Variants in OTOG observed in about 807,000 individuals in gnomAD.
The protein encoded by OTOG is otogelin.
In OTOG, 296 loss-of-function variants were observed where a neutral mutation model predicts 313.8. That is an observed-to-expected ratio of 0.94 (90% CI 0.86 to 1.04). OTOG has a LOEUF of 1.04. Among genes scored for constraint, OTOG ranks in the 50% least tolerant of loss-of-function variants. The pLI, the probability that OTOG is intolerant of heterozygous loss-of-function variation, is 0.00. For synonymous variants in OTOG, 1,533 were observed against 1,554.9 expected (o/e 0.99, Z 0.33); for missense variants, 3,948 against 3,840.1 (o/e 1.03, Z -0.74).
intron 23 of OTOG, among the ~76,000 whole-genome samples, chr11:17,580,022 A>C (rs1221797378): frequency 2.0e-5 from 3 of 152,222 alleles, no homozygotes; most frequent in Admixed American, 6.5e-5. Context: ...TCTTGCTGGG[A>C]TAGGGCTCCC....
In OTOG at chr11:17,611,144, G is replaced by A. The variant is rs967750865; in HGVS notation, c.5844G>A (p.Glu1948=). The change falls in exon 36 of 56, where the codon GAG becomes GAA. Residue 1948 remains glutamate, a synonymous_variant. Coordinates refer to ENST00000399397, the MANE Select transcript of OTOG (RefSeq NM_001292063.2). The part of the protein sequence containing the change: ...TSHPLTPLVA[E]PEGAQAGTAL... ...ACCCTCTCACGCCCTTGGTGGCTGA[G>A]CCCGAGGGAGCCCAGGCAGGCACAG... 6.4e-7 allele frequency: 1 copy of A among 1,550,486 alleles called. No homozygotes were observed. Among genetic ancestry groups the A allele is most frequent in the Non-Finnish European group, 8.7e-7 (1 of 1,146,932 alleles).
Position 17,596,883 on chromosome 11 carries a change from G to A in OTOG, c.3558G>A (p.Leu1186=). 4 of 1,551,148 alleles carry A rather than the reference G, an allele frequency of 2.6e-6. No homozygotes were observed. The highest frequency in any genetic ancestry group is 3.5e-6 in the Non-Finnish European group (4 of 1,147,112). ...TCACTTGGTTTTACTCAAACTGCCTGACAGACACATGTGGCTGCAGCCAGG... is the reference window on the plus strand; with the variant it reads ...TCACTTGGTTTTACTCAAACTGCCTAACAGACACATGTGGCTGCAGCCAGG... The part of the protein sequence containing the change: ...VDVTWFYSNC[L]TDTCGCSQGG... Residue 1186 remains leucine, a synonymous_variant, in exon 30 of 56, where the codon CTG becomes CTA. Coordinates refer to ENST00000399397, the MANE Select transcript of OTOG (RefSeq NM_001292063.2).
At chr11:17,591,416 G>A in intron 24 of OTOG, 34 bp from the exon 25 acceptor site, 2 of 1,549,682 alleles carry the variant, frequency 1.3e-6, no homozygotes, top group South Asian at 1.2e-5. Flanking sequence ...GGGTGGGTGT[G>A]CCCTGTGATC....
intron 21 of OTOG, 46 bp from the exon 22 acceptor site, chr11:17,576,822 T>C: frequency 6.5e-7 from 1 of 1,547,764 alleles, no homozygotes; most frequent in Non-Finnish European, 8.7e-7. Flanking sequence ...GTCTGGGTCC[T>C]GCAGTGACTG....
chr11:17,640,908 T>A lies in OTOG; in HGVS notation c.8012-5T>A. 6.5e-7 allele frequency: 1 copy of A among 1,548,546 alleles called. No individual in the cohort carries two copies. The highest frequency in any genetic ancestry group is 1.2e-5 in the South Asian group (1 of 84,008). On this transcript the variant is annotated splice_polypyrimidine_tract_variant and splice_region_variant and intron_variant, in intron 50 of 55. Coordinates refer to ENST00000399397, the MANE Select transcript of OTOG (RefSeq NM_001292063.2). Reference sequence around the variant, plus strand: ...TGACTGTTGCCGCCCTGCATGCCCATCCAGTGAAGGCCCCGGTGTGTCTGA... The same window carrying A: ...TGACTGTTGCCGCCCTGCATGCCCAACCAGTGAAGGCCCCGGTGTGTCTGA...
At chr11:17,571,324 C>G (rs1348983100) in intron 17 of OTOG, among the ~76,000 whole-genome samples, 1 of 152,066 alleles carries the variant, frequency 6.6e-6, no homozygotes, top group African/African-American at 2.4e-5. Flanking sequence ...GGAATATTGC[C>G]CTACATAATA....
chr11:17,577,594 G>A (rs1382861897), intron 22 of OTOG, among the ~76,000 whole-genome samples: 1 of 152,068 alleles, frequency 6.6e-6, no homozygotes, highest in Non-Finnish European at 1.5e-5. Context: ...TACCTCTCTG[G>A]GCCTTCATTT....
At chr11:17,550,236 C>G (rs1851905133) in intron 3 of OTOG, among the ~76,000 whole-genome samples, 1 of 152,182 alleles carries the variant, frequency 6.6e-6, no homozygotes, top group Admixed American at 6.5e-5. Flanking sequence ...ATCACTACTT[C>G]AAAATTTTGG....
chr11:17,561,672 A>C lies in OTOG; in HGVS notation c.1509A>C (p.Ser503=), dbSNP rs1046769584. 20 of 1,550,322 alleles carry C rather than the reference A, an allele frequency of 1.3e-5. No homozygotes were observed. In the African/African-American group the frequency reaches 2.7e-4, roughly 21 times the overall value. ...TTTTCTACCTCTCAGCTGAGTGCTCAGTGACTGGTGACATTCACTTCACAA... is the reference window on the plus strand; with the variant it reads ...TTTTCTACCTCTCAGCTGAGTGCTCCGTGACTGGTGACATTCACTTCACAA... ...CSTAVCPAEC[S]VTGDIHFTTF... The change falls in exon 15 of 56, where the codon TCA becomes TCC. Residue 503 remains serine, a synonymous_variant. Coordinates refer to ENST00000399397, the MANE Select transcript of OTOG (RefSeq NM_001292063.2).
At chr11:17,632,890 T>C (rs11608226) in intron 42 of OTOG, among the ~76,000 whole-genome samples, 5,586 of 152,304 alleles carry the variant, frequency 0.037, 117 homozygotes, top group South Asian at 0.088. Flanking sequence ...TCTTGGGTCG[T>C]GTTCTTCAAA....
At chr11:17,577,942 C>T (rs1041595559) in intron 22 of OTOG, among the ~76,000 whole-genome samples, 20 of 152,170 alleles carry the variant, frequency 1.3e-4, no homozygotes, top group Admixed American at 6.5e-5. Flanking sequence ...TGGCCCCCTG[C>T]CACACTGATT....
intron 39 of OTOG, among the ~76,000 whole-genome samples, chr11:17,624,190 G>A (rs1025836301): frequency 1.3e-5 from 2 of 152,006 alleles, no homozygotes; most frequent in African/African-American, 4.8e-5. Flanking sequence ...TGCTTTTGTT[G>A]CAATTTCTTT....
At position 17,557,175 on chromosome 11, in the gene OTOG, C is replaced by CA. The variant is rs1565090464; in HGVS notation, c.718dup (p.Ile240AsnfsTer40). On this transcript the variant is annotated frameshift_variant, in exon 8 of 56. Transcript: ENST00000399397. LOFTEE classifies it high-confidence loss of function. ...GTCTGCAGCAGCTTGCCGGCTATGT[C>CA]ATCGTGCGGCATCAGTCAGCCTTCA... 4 of 1,550,522 alleles carry CA rather than the reference C, an allele frequency of 2.6e-6. No homozygotes were observed. The highest frequency in any genetic ancestry group is 3.5e-6 in the Non-Finnish European group (4 of 1,147,012).
chr11:17,641,163 G>C, intron 51 of OTOG, 72 bp downstream of exon 51: 1 of 1,444,154 alleles, frequency 6.9e-7, no homozygotes, highest in African/African-American at 1.4e-5. Context: ...TGCTCCAGGA[G>C]CCAGAGGGGC....
chr11:17,634,996 G>T lies in OTOG; in HGVS notation c.7585+48G>T, dbSNP rs908181135. ...GGTGGGGGACGGACTGAGGGCAGTG[G>T]GGGGAGGACAGCTCTGGGGGCAGGG... On this transcript the variant is annotated intron_variant, in intron 45 of 55. Coordinates refer to ENST00000399397, the MANE Select transcript of OTOG (RefSeq NM_001292063.2). 3 of 1,536,856 alleles carry T rather than the reference G, an allele frequency of 2.0e-6. No homozygotes were observed. The East Asian group carries it at 7.4e-5, about 38-fold the overall frequency.
chr11:17,624,598 C>G (rs1369072374), intron 39 of OTOG, among the ~76,000 whole-genome samples: 1 of 152,128 alleles, frequency 6.6e-6, no homozygotes, highest in African/African-American at 2.4e-5. Flanking sequence ...ATGCCTCCAG[C>G]TTTGTTCTTT....
At position 17,594,925 on chromosome 11, in the gene OTOG, C is replaced by T. The variant is rs532882643; in HGVS notation, c.3408+759C>T. Among the ~76,000 whole-genome samples the T allele has an allele frequency of 5.9e-5, 9 of 152,286 alleles. No individual in the cohort carries two copies. In the East Asian group the frequency reaches 1.7e-3, roughly 29 times the overall value. ...GCTTGGGAGCTATGTTGAGAAACAT[C>T]CAAGATCTGTGTCAAGCTCAGCTGG... On this transcript the variant is annotated intron_variant, in intron 28 of 55. Transcript: ENST00000399397.
intron 47 of OTOG, among the ~76,000 whole-genome samples, chr11:17,637,920 A>C (rs987830766): frequency 9.2e-5 from 14 of 152,142 alleles, no homozygotes; most frequent in African/African-American, 3.4e-4. Flanking sequence ...GCACCCAGGG[A>C]GTTCCCTCAC....
intron 53 of OTOG, among the ~76,000 whole-genome samples, chr11:17,642,642 G>A (rs1223556583): frequency 2.0e-5 from 3 of 152,162 alleles, no homozygotes; most frequent in African/African-American, 7.2e-5. Flanking sequence ...CACATGCCAC[G>A]CAGATGCAGT....
Sources: gnomAD v4.1 joint callset for allele counts (sites outside exome capture counted in the v4.1 genomes callset) on GRCh38, gnomAD v4.1.1 for gene constraint, MANE v1.5 for transcripts, NCBI Gene and HGNC (gene_info 2026-07-23, HGNC 2026-07-21) for gene names.